Variants in MAP6D1 observed in about 807,000 individuals in gnomAD.
MAP6D1 encodes MAP6 domain containing 1.
A neutral mutation model predicts 17.4 loss-of-function variants in MAP6D1; 13 were observed. That is an observed-to-expected ratio of 0.75 (90% confidence interval 0.49 to 1.19). MAP6D1 has a LOEUF of 1.19. Ranked by LOEUF, MAP6D1 falls within the 50% of genes most tolerant of loss-of-function variation. MAP6D1 has a pLI of 0.00. For missense variants in MAP6D1, 313 were observed against 312.6 expected (o/e 1.00, Z -0.01); for synonymous variants, 141 against 145.7 (o/e 0.97, Z 0.23).
chr3:183,816,054 G>A lies in MAP6D1; in HGVS notation c.*1302C>T, dbSNP rs1727094942. The A allele has an allele frequency of 6.6e-6, 1 of 152,208 alleles. No homozygotes were observed. The highest frequency in any genetic ancestry group is 1.5e-5 in the Non-Finnish European group (1 of 68,038). 9.4% of individuals were successfully genotyped at this position (152,208 alleles called of 1,614,324 possible). A position where few individuals can be genotyped will look rare whatever the true frequency, so the allele number is the denominator to read the frequency against. On this transcript the variant is annotated 3_prime_UTR_variant, in exon 3 of 3. Transcript: ENST00000318631. Reference sequence around the variant, plus strand: ...GAAGTCAGGAATAGCTGAACCCCTTGGATAAGCACACGCTTTGGGCTTCTT... The same window carrying A: ...GAAGTCAGGAATAGCTGAACCCCTTAGATAAGCACACGCTTTGGGCTTCTT...
rs1370799895 is a variant in MAP6D1 at position 183,825,327 on chromosome 3, C to T, written c.221G>A (p.Gly74Asp). Residue 74 changes from glycine to aspartate, a missense_variant, in exon 1 of 3, where the codon GGC becomes GAC. Gly to Asp is a moderately conservative substitution (Grantham distance 94). Coordinates refer to ENST00000318631, the MANE Select transcript of MAP6D1 (RefSeq NM_024871.4). ...VPLTQYQRDF[G>D]LWTTPAGPKD... is the part of the protein sequence containing the mutation. The stretch of plus-strand genomic sequence containing the variant: ...GGGCCCGGCGGGCGTGGTCCACAAG[C>T]CGAAGTCCCGCTGGTACTGAGTGAG... 7.2e-7 allele frequency: 1 copy of T among 1,381,666 alleles called. No individual in the cohort carries two copies. Among genetic ancestry groups the T allele is most frequent in the Non-Finnish European group, 9.4e-7 (1 of 1,068,518 alleles). 85.6% of individuals were successfully genotyped at this position (1,381,666 alleles called of 1,614,324 possible).
At chr3:183,819,250 G>A (rs764151370) in intron 1 of MAP6D1, among the ~76,000 whole-genome samples, 12 of 152,394 alleles carry the variant, frequency 7.9e-5, no homozygotes, top group East Asian at 1.9e-4. Flanking sequence ...GGTGCCAGGA[G>A]GAGAGCTAGG....
At chr3:183,819,757 T>C (rs1727203526) in intron 1 of MAP6D1, among the ~76,000 whole-genome samples, 1 of 152,224 alleles carries the variant, frequency 6.6e-6, no homozygotes, top group African/African-American at 2.4e-5. Context: ...TCAGACACAT[T>C]CCTCAACTTC....
chr3:183,819,986 C>T (rs1727208857), intron 1 of MAP6D1, among the ~76,000 whole-genome samples: 1 of 152,188 alleles, frequency 6.6e-6, no homozygotes, highest in Non-Finnish European at 1.5e-5. Flanking sequence ...GCCAAAGATG[C>T]CCAATGGCCC....
At position 183,825,269 on chromosome 3, in the gene MAP6D1, C is replaced by A. The variant is rs1463381801; in HGVS notation, c.279G>T (p.Ala93=). The part of the protein sequence containing the change: ...KDPPPGRGPG[A]GGRRGKSSAQ... ...CGGAGGATTTGCCCCTGCGGCCGCC[C>A]GCCCCCGGTCCGCGCCCCGGCGGCG... is the stretch of plus-strand genomic sequence containing the variant. The change falls in exon 1 of 3, where the codon GCG becomes GCT. Residue 93 remains alanine, a synonymous_variant. Coordinates refer to ENST00000318631, the MANE Select transcript of MAP6D1 (RefSeq NM_024871.4). 1.5e-6 allele frequency: 2 copies of A among 1,342,408 alleles called. No individual in the cohort carries two copies. Among genetic ancestry groups the A allele is most frequent in the Non-Finnish European group, 1.9e-6 (2 of 1,048,918 alleles). 83.2% of individuals were successfully genotyped at this position (1,342,408 alleles called of 1,614,324 possible).
At chr3:183,819,213 A>T (rs1727188607) in intron 1 of MAP6D1, among the ~76,000 whole-genome samples, 1 of 152,234 alleles carries the variant, frequency 6.6e-6, no homozygotes, top group Non-Finnish European at 1.5e-5. Context: ...GTGGGCAGGG[A>T]ATGGCTGTGT....
At chr3:183,818,913 G>A (rs1727182932) in intron 1 of MAP6D1, among the ~76,000 whole-genome samples, 1 of 152,184 alleles carries the variant, frequency 6.6e-6, no homozygotes, top group Admixed American at 6.5e-5. Flanking sequence ...TGTACCGGGA[G>A]CAGCTTTCTC....
At chr3:183,825,074 C>T in intron 1 of MAP6D1, 73 bp downstream of exon 1, 6 of 1,280,156 alleles carry the variant, frequency 4.7e-6, no homozygotes, top group African/African-American at 1.6e-5. Flanking sequence ...CCCACCCCAT[C>T]CCTCTGGCTC....
At chr3:183,822,091 C>A (rs1438318109) in intron 1 of MAP6D1, among the ~76,000 whole-genome samples, 1 of 152,114 alleles carries the variant, frequency 6.6e-6, no homozygotes, top group Non-Finnish European at 1.5e-5. Flanking sequence ...AAAGTATGAA[C>A]TTATCCCCCC....
At chr3:183,825,087 G>C in intron 1 of MAP6D1, 60 bp downstream of exon 1, 1 of 1,298,876 alleles carries the variant, frequency 7.7e-7, no homozygotes, top group Non-Finnish European at 9.8e-7. Flanking sequence ...TCTGGCTCCG[G>C]GCCTCCGCGT....
chr3:183,825,084 C>A, intron 1 of MAP6D1, 63 bp downstream of exon 1: 1 of 1,296,364 alleles, frequency 7.7e-7, no homozygotes, highest in Non-Finnish European at 9.9e-7. Context: ...CCCTCTGGCT[C>A]CGGGCCTCCG....
chr3:183,817,554 G>T, intron 2 of MAP6D1, 118 bp from the exon 3 acceptor site: 1 of 891,070 alleles, frequency 1.1e-6, no homozygotes. Flanking sequence ...CAGGAGTTGA[G>T]ACCTGAAGGG....
rs948420774 is a variant in MAP6D1 at position 183,817,193 on chromosome 3, A to T, written c.*163T>A. 1 of 665,372 alleles carries T rather than the reference A, an allele frequency of 1.5e-6. No individual in the cohort carries two copies. Among genetic ancestry groups the T allele is most frequent in the Non-Finnish European group, 2.6e-6 (1 of 382,836 alleles). 41.2% of individuals were successfully genotyped at this position (665,372 alleles called of 1,614,324 possible). On this transcript the variant is annotated 3_prime_UTR_variant, in exon 3 of 3. Transcript: ENST00000318631. ...CTGGGTGTGCCAAGTCCATCGGTGC[A>T]TCTGCTCCACACCAGCACTTTGGCC... is the stretch of plus-strand genomic sequence containing the variant.
At chr3:183,822,965 C>A (rs1337209750) in intron 1 of MAP6D1, among the ~76,000 whole-genome samples, 1 of 152,234 alleles carries the variant, frequency 6.6e-6, no homozygotes, top group Non-Finnish European at 1.5e-5. Flanking sequence ...TGGCGCTGGG[C>A]TCCTCTTTAC....
Position 183,816,080 on chromosome 3 carries a change from T to C in MAP6D1, c.*1276A>G, listed in dbSNP as rs891188917. On this transcript the variant is annotated 3_prime_UTR_variant, in exon 3 of 3. Coordinates refer to ENST00000318631, the MANE Select transcript of MAP6D1 (RefSeq NM_024871.4). ...GATAAGCACACGCTTTGGGCTTCTT[T>C]AAAGCGAGCCTCTCATCAAGAGCAT... is the stretch of plus-strand genomic sequence containing the variant. 6.6e-6 allele frequency: 1 copy of C among 152,208 alleles called. No individual in the cohort carries two copies. Among genetic ancestry groups the C allele is most frequent in the African/African-American group, 2.4e-5 (1 of 41,440 alleles). The allele number at this position is 152,208 out of a possible 1,614,324, so 9.4% of individuals were successfully genotyped here.
chr3:183,819,996 C>T (rs567950892), intron 1 of MAP6D1, among the ~76,000 whole-genome samples: 15 of 152,264 alleles, frequency 9.9e-5, no homozygotes, highest in African/African-American at 3.6e-4. Flanking sequence ...CCCAATGGCC[C>T]AGAGAGAATT....
chr3:183,824,938 A>T (rs2251249), intron 1 of MAP6D1, among the ~76,000 whole-genome samples: 80,047 of 151,768 alleles, frequency 0.53, 21,248 homozygotes, highest in Middle Eastern at 0.6. Context: ...TCGAGCACTG[A>T]GTCCGGGCAT....
intron 2 of MAP6D1, among the ~76,000 whole-genome samples, chr3:183,817,767 G>A (rs1392178106): frequency 6.6e-6 from 1 of 152,172 alleles, no homozygotes; most frequent in African/African-American, 2.4e-5. Flanking sequence ...GGTAAGATGG[G>A]GATTTAGGAG....
intron 1 of MAP6D1, among the ~76,000 whole-genome samples, chr3:183,823,232 G>T (rs1727298914): frequency 1.3e-5 from 2 of 152,104 alleles, no homozygotes; most frequent in Admixed American, 1.3e-4. Context: ...GGGCTCAAGT[G>T]ATCCTCCCAC....
Sources: gnomAD v4.1 joint callset for allele counts (sites outside exome capture counted in the v4.1 genomes callset) on GRCh38, gnomAD v4.1.1 for gene constraint, MANE v1.5 for transcripts, NCBI Gene and HGNC (gene_info 2026-07-23, HGNC 2026-07-21) for gene names.